Variants in WWOX observed in about 807,000 individuals in gnomAD.
WWOX encodes WW domain-containing oxidoreductase.
In WWOX, 69 loss-of-function variants were observed where a neutral mutation model predicts 46.2. That is an observed-to-expected ratio of 1.49 (90% CI 1.23 to 1.82). The LOEUF is 1.82. Ranked by LOEUF, WWOX falls within the 40% of genes most tolerant of loss-of-function variation. The pLI, the probability that WWOX is intolerant of heterozygous loss-of-function variation, is 0.00. For missense variants in WWOX, 919 were observed against 542.6 expected (o/e 1.69, Z -6.89); for synonymous variants, 359 against 202.6 (o/e 1.77, Z -6.56).
chr16:78,693,655 G>A (rs766977214), intron 8 of WWOX, among the ~76,000 whole-genome samples: 3 of 152,104 alleles, frequency 2.0e-5, no homozygotes, highest in East Asian at 1.9e-4. Context: ...GTTGTGGTGC[G>A]GTGACATAAC....
intron 8 of WWOX, among the ~76,000 whole-genome samples, chr16:78,760,170 G>C (rs1269364724): frequency 6.6e-6 from 1 of 152,154 alleles, no homozygotes; most frequent in African/African-American, 2.4e-5. Context: ...ATCTCACACG[G>C]CAGCAGACGA....
intron 8 of WWOX, among the ~76,000 whole-genome samples, chr16:78,772,862 T>G (rs1247488538): frequency 1.3e-5 from 2 of 151,884 alleles, no homozygotes; most frequent in Non-Finnish European, 2.9e-5. Context: ...CTACTTAAAG[T>G]AAAAATCAAA....
At chr16:78,303,091 G>C (rs1205061879) in intron 5 of WWOX, among the ~76,000 whole-genome samples, 2 of 152,196 alleles carry the variant, frequency 1.3e-5, no homozygotes, top group African/African-American at 4.8e-5. Flanking sequence ...GCAGCTTCTA[G>C]GATGCTTAGA....
chr16:78,260,978 A>G (rs997113956), intron 5 of WWOX, among the ~76,000 whole-genome samples: 1 of 151,102 alleles, frequency 6.6e-6, no homozygotes, highest in African/African-American at 2.4e-5. Context: ...AAATTTAAAT[A>G]TAAATTACAA....
chr16:78,912,527 G>C (rs7500900), intron 8 of WWOX, among the ~76,000 whole-genome samples: 1 of 151,880 alleles, frequency 6.6e-6, no homozygotes, highest in Admixed American at 6.6e-5. Context: ...CAGCTCCTCC[G>C]CTCTTCCCTG....
rs553711311 is a variant in WWOX at position 78,678,631 on chromosome 16, G to T, written c.1056+245879G>T. On this transcript the variant is annotated intron_variant, in intron 8 of 8. Transcript: ENST00000566780. ...TACAGATCTGTAAAATATGAAAACAGGAAAACACATGGAGTCTTGGAGGGT... is the reference window on the plus strand; with the variant it reads ...TACAGATCTGTAAAATATGAAAACATGAAAACACATGGAGTCTTGGAGGGT... Among the ~76,000 whole-genome samples, 4 of 152,240 alleles carry T rather than the reference G, an allele frequency of 2.6e-5. No homozygotes were observed. The East Asian group carries it at 7.7e-4, about 29-fold the overall frequency.
chr16:78,683,520 A>G (rs1014473175), intron 8 of WWOX, among the ~76,000 whole-genome samples: 5 of 151,534 alleles, frequency 3.3e-5, no homozygotes, highest in African/African-American at 1.2e-4. Flanking sequence ...AGCCTGGCTG[A>G]CAGAGGGAGA....
chr16:79,172,866 A>G (rs1334894709), intron 8 of WWOX, among the ~76,000 whole-genome samples: 1 of 151,948 alleles, frequency 6.6e-6, no homozygotes, highest in African/African-American at 2.4e-5. Flanking sequence ...AAAAGAAAAA[A>G]AAAAAAATGC....
chr16:78,502,937 G>A (rs780848169), intron 8 of WWOX, among the ~76,000 whole-genome samples: 1 of 152,180 alleles, frequency 6.6e-6, no homozygotes, highest in Non-Finnish European at 1.5e-5. Flanking sequence ...AGCAAGGAGC[G>A]AAATGAGATG....
chr16:78,310,200 GT>G (rs2151873991), intron 5 of WWOX, among the ~76,000 whole-genome samples: 1 of 152,118 alleles, frequency 6.6e-6, no homozygotes, highest in African/African-American at 2.4e-5. Context: ...CATTTATTGT[GT>G]TTCCTTCTAC....
chr16:78,386,536 C>T (rs1237929953), intron 5 of WWOX, among the ~76,000 whole-genome samples: 4 of 152,098 alleles, frequency 2.6e-5, no homozygotes, highest in African/African-American at 4.8e-5. Flanking sequence ...CTCCTTACAG[C>T]GTTTTAGGAT....
At chr16:78,420,365 C>G (rs965201356) in intron 6 of WWOX, among the ~76,000 whole-genome samples, 2 of 152,008 alleles carry the variant, frequency 1.3e-5, no homozygotes, top group African/African-American at 4.8e-5. Context: ...GGAAACAATC[C>G]AAATATCCAT....
intron 8 of WWOX, among the ~76,000 whole-genome samples, chr16:78,725,185 C>G (rs962280418): frequency 4.6e-5 from 7 of 151,164 alleles, no homozygotes; most frequent in African/African-American, 1.7e-4. Flanking sequence ...CTCATTTTCT[C>G]TTGCCTACTG....
chr16:78,879,270 G>A (rs1037512177), intron 8 of WWOX, among the ~76,000 whole-genome samples: 1 of 152,186 alleles, frequency 6.6e-6, no homozygotes, highest in South Asian at 2.1e-4. Flanking sequence ...GTAAGAGCAA[G>A]TGAAGATTGC....
intron 8 of WWOX, among the ~76,000 whole-genome samples, chr16:79,099,141 C>T (rs933002987): frequency 6.6e-6 from 1 of 152,126 alleles, no homozygotes; most frequent in African/African-American, 2.4e-5. Flanking sequence ...CGTGGGAAAT[C>T]ACAGAGGGAG....
At chr16:79,037,531 C>T (rs557890010) in intron 8 of WWOX, among the ~76,000 whole-genome samples, 1 of 152,072 alleles carries the variant, frequency 6.6e-6, no homozygotes, top group Non-Finnish European at 1.5e-5. Flanking sequence ...CAAAGTCACA[C>T]TGCTGATGAG....
chr16:79,203,236 C>A (rs977516712), intron 8 of WWOX: 2 of 152,294 alleles, frequency 1.3e-5, no homozygotes, highest in African/African-American at 4.8e-5. Context: ...ATAAATGAGA[C>A]ACTCTCCACA....
At chr16:78,939,009 A>T (rs2045798462) in intron 8 of WWOX, among the ~76,000 whole-genome samples, 1 of 152,154 alleles carries the variant, frequency 6.6e-6, no homozygotes. Flanking sequence ...TGTGGATGGA[A>T]AGGTTTTGTG....
chr16:78,567,528 G>C (rs1269456972), intron 8 of WWOX, among the ~76,000 whole-genome samples: 2 of 145,402 alleles, frequency 1.4e-5, no homozygotes, highest in African/African-American at 2.6e-5. Context: ...ACTCCAGCCT[G>C]GGCGACAGAA....
Sources: allele counts gnomAD v4.1 joint callset (sites outside exome capture counted in the v4.1 genomes callset), GRCh38; gene constraint gnomAD v4.1.1; transcripts MANE v1.5; gene names NCBI Gene and HGNC (gene_info 2026-07-23, HGNC 2026-07-21).